ARMCX4: variants seen among roughly 807,000 people sequenced by gnomAD.
The protein encoded by ARMCX4 is armadillo repeat-containing X-linked protein 4.
In ARMCX4, 3 loss-of-function variants were observed where a neutral mutation model predicts 34.7. The observed-to-expected ratio is 0.09, with a 90% CI of 0.04 to 0.22. The LOEUF (loss-of-function observed/expected upper bound fraction) is 0.22, where lower values mean the gene tolerates loss of function less well. Among genes scored for constraint, ARMCX4 ranks in the 10% least tolerant of loss-of-function variants. ARMCX4 has a pLI of 1.00. For synonymous variants in ARMCX4, 513 were observed against 632.8 expected, an observed-to-expected ratio of 0.81 and a Z score of 2.84; for missense variants, 1,448 against 1,720.8, an observed-to-expected ratio of 0.84 and a Z score of 2.81.
chrX:101,509,229 A>G (rs1934524519), intron 8 of ARMCX4: 1 of 111,891 alleles, frequency 8.9e-6, no homozygotes, highest in Non-Finnish European at 1.9e-5. Context: ...TAGGCATGCA[A>G]CACAACTTTT....
chrX:101,429,804 A>G lies in ARMCX4; in HGVS notation n.164+10804A>G, dbSNP rs1264030614. 8.1e-5 allele frequency among the ~76,000 whole-genome samples: 9 copies of G among 111,775 alleles called. No individual in the cohort carries two copies. In the Admixed American group the frequency reaches 8.6e-4, roughly 11 times the overall value. ...CATTAGACATTAAATAACTCTTTTTATTGTTACTAGTATAACAACTAGGGA... is the reference window on the plus strand; with the variant it reads ...CATTAGACATTAAATAACTCTTTTTGTTGTTACTAGTATAACAACTAGGGA... On this transcript the variant is annotated intron_variant and non_coding_transcript_variant, in intron 2 of 3. Transcript: ENST00000430461.
At chrX:101,453,529 TGAGTAGCAAGACTGTG>T (rs781940870) in intron 4 of ARMCX4, among the ~76,000 whole-genome samples, 11 of 111,754 alleles carry the variant, frequency 9.8e-5, no homozygotes, top group Admixed American at 2.9e-4. Flanking sequence ...TATCATAGTT[TGAGTAGCAAGACTGTG>T]GAGTAGCAAG....
In ARMCX4 at chrX:101,513,267, C is replaced by A. The variant is rs782168127; in HGVS notation, c.*1780+2212C>A. Reference sequence around the variant, plus strand: ...CAAACAACTGGACATCACAACCTAGCCAACTTTACACATAGTATTAACCAT... The same window carrying A: ...CAAACAACTGGACATCACAACCTAGACAACTTTACACATAGTATTAACCAT... On this transcript the variant is annotated intron_variant and NMD_transcript_variant, in intron 11 of 12. Transcript: ENST00000354842. Among the ~76,000 whole-genome samples the A allele has an allele frequency of 5.4e-5, 6 of 111,648 alleles. No homozygotes were observed. The East Asian group carries it at 1.7e-3, about 32-fold the overall frequency.
Position 101,492,217 on chromosome X carries a change from G to A in ARMCX4, c.3628G>A (p.Gly1210Arg). ...GTWAGDKASG[G>R]AWTGAENQAS... ...CTGGGCTGGGGACAAGGCCAGTGGAGGAGCCTGGACTGGGGCTGAGAACCA... is the reference window on the plus strand; with the variant it reads ...CTGGGCTGGGGACAAGGCCAGTGGAAGAGCCTGGACTGGGGCTGAGAACCA... Residue 1210 changes from glycine (G) to arginine (R), a missense_variant, in exon 6 of 6, where the codon GGA becomes AGA. Transcript: ENST00000423738. 1 of 1,142,083 alleles carries A rather than the reference G, an allele frequency of 8.8e-7. No homozygotes were observed. Among genetic ancestry groups the A allele is most frequent in the Middle Eastern group, 2.4e-4 (1 of 4,211 alleles). The allele number at this position is 1,142,083 out of a possible 1,213,427, so 94.1% of individuals were successfully genotyped here.
chrX:101,474,583 C>T (rs1933087247), intron 4 of ARMCX4, among the ~76,000 whole-genome samples: 1 of 103,887 alleles, frequency 9.6e-6, no homozygotes, highest in African/African-American at 3.5e-5. Context: ...AAACTGAATC[C>T]AGCAGCACAT....
At chrX:101,470,609 G>A (rs1023579639) in intron 4 of ARMCX4, among the ~76,000 whole-genome samples, 6 of 111,985 alleles carry the variant, frequency 5.4e-5, no homozygotes, top group Admixed American at 9.5e-5. Flanking sequence ...GTGAGCTGCC[G>A]TGCTGGGCCA....
At chrX:101,482,104 C>T (rs998616048), upstream of ARMCX4, among the ~76,000 whole-genome samples, 2 of 110,208 alleles carry the variant, frequency 1.8e-5, no homozygotes, top group East Asian at 2.9e-4. Flanking sequence ...CATGGTGGTG[C>T]GCACCTGTAA....
In ARMCX4 at chrX:101,493,121, G is replaced by A; in HGVS notation, c.4532G>A (p.Cys1511Tyr). 1 of 1,154,595 alleles carries A rather than the reference G, an allele frequency of 8.7e-7. No individual in the cohort carries two copies. The highest frequency in any genetic ancestry group is 1.1e-6 in the Non-Finnish European group (1 of 872,475). The change falls in exon 6 of 6, where the codon TGT becomes TAT. Residue 1511 changes from cysteine (C) to tyrosine (Y), a missense_variant. Around this residue, in one of 2 missense-constraint regions of ARMCX4, gnomAD observed 1,343 missense variants for 1,540.7 expected, o/e 0.87. Coordinates refer to ENST00000423738, the MANE Select transcript of ARMCX4 (RefSeq NM_001256155.3). The stretch of plus-strand genomic sequence containing the variant: ...GGGGACCAGGCCAGTGGATGGTTCT[G>A]TGTTTGCCCTGGGAGTCAGACGAAT... ...GTGDQASGWF[C>Y]VCPGSQTNGG...
chrX:101,438,939 A>C (rs1313526553), intron 2 of ARMCX4, among the ~76,000 whole-genome samples: 17 of 111,868 alleles, frequency 1.5e-4, no homozygotes, highest in Non-Finnish European at 2.8e-4. Context: ...GCCAGTCTGT[A>C]TCTTTTAATT....
intron 5 of ARMCX4, among the ~76,000 whole-genome samples, 158 bp from the exon 6 acceptor site, chrX:101,488,286 G>A (rs868930508): frequency 8.9e-6 from 1 of 112,170 alleles, no homozygotes; most frequent in African/African-American, 3.2e-5. Flanking sequence ...TGGGGAAGGT[G>A]GAGAGAAGAT....
chrX:101,418,985 T>C (rs1170660840), exon 2 of ARMCX4: 1 of 110,096 alleles, frequency 9.1e-6, no homozygotes, highest in Non-Finnish European at 1.9e-5. Flanking sequence ...CTTCAAAAAG[T>C]TCTGAAAACA....
chrX:101,421,482 C>G lies in ARMCX4; in HGVS notation n.164+2482C>G, dbSNP rs782423063. Among the ~76,000 whole-genome samples the G allele has an allele frequency of 4.5e-5, 5 of 110,978 alleles. No individual in the cohort carries two copies. The East Asian group carries it at 1.1e-3, about 25-fold the overall frequency. On this transcript the variant is annotated intron_variant and non_coding_transcript_variant, in intron 2 of 3. Transcript: ENST00000430461. ...TGATATTGTGAAGTACACATTTAGT[C>G]TTTAGTTTGTTTTGTGCTGCTATAA... is the stretch of plus-strand genomic sequence containing the variant.
At position 101,489,280 on chromosome X, in the gene ARMCX4, G is replaced by T. The variant is rs1603209283; in HGVS notation, c.691G>T (p.Val231Leu). 3.5e-6 allele frequency: 4 copies of T among 1,156,228 alleles called. No homozygotes were observed. Among genetic ancestry groups the T allele is most frequent in the East Asian group, 3.2e-5 (1 of 30,795 alleles). The stretch of plus-strand genomic sequence containing the variant: ...GGGGGCCACGAACAAGACTGGAATT[G>T]TGGATGAAACCAAGACAAGAGCTCT... Reference protein sequence around the residue: ...KMGATNKTGIVDETKTRALEE... With the variant: ...KMGATNKTGILDETKTRALEE... Residue 231 changes from valine (V) to leucine (L), a missense_variant, in exon 6 of 6, where the codon GTG becomes TTG. Physicochemically the swap from Val to Leu is conservative, Grantham distance 32 (BLOSUM62 1). This residue lies in a region of ARMCX4 where 1,343 missense variants were observed against 1,540.7 expected (regional missense o/e 0.87). Transcript: ENST00000423738.
intron 2 of ARMCX4, among the ~76,000 whole-genome samples, chrX:101,423,957 G>C (rs1929443427): frequency 9.0e-6 from 1 of 111,106 alleles, no homozygotes; most frequent in Admixed American, 9.6e-5. Flanking sequence ...TCCATCTCAC[G>C]GGTTCAAGCG....
In ARMCX4 at chrX:101,423,693, T is replaced by C. The variant is rs782005613; in HGVS notation, n.164+4693T>C. ...TGAGATAACTGGTGGCTGAGGCTCC[T>C]AGGTAGATTTAGGACGGGGGCGCTG... On this transcript the variant is annotated intron_variant and non_coding_transcript_variant, in intron 2 of 3. Transcript: ENST00000430461. 6.3e-5 allele frequency among the ~76,000 whole-genome samples: 7 copies of C among 110,826 alleles called. No homozygotes were observed. The South Asian group carries it at 2.7e-3, about 43-fold the overall frequency.
At chrX:101,432,690 G>A (rs985425934) in intron 2 of ARMCX4, among the ~76,000 whole-genome samples, 5 of 104,788 alleles carry the variant, frequency 4.8e-5, no homozygotes, top group Non-Finnish European at 9.7e-5. Context: ...ACATATATAC[G>A]TATATATACA....
At chrX:101,475,100 G>A (rs782682525) in intron 4 of ARMCX4, among the ~76,000 whole-genome samples, 1 of 110,487 alleles carries the variant, frequency 9.1e-6, no homozygotes, top group East Asian at 2.8e-4. Context: ...CTTGAGCTCA[G>A]GAGTTCAAGA....
At position 101,503,613 on chromosome X, in the gene ARMCX4, G is replaced by A. The variant is rs1401461009; in HGVS notation, c.*1178-1324G>A. ...TGAGAAGTGTCTGTTCATATCCTTCGCCCACTTTTTGATGGGGCTGTTTGT... is the reference window on the plus strand; with the variant it reads ...TGAGAAGTGTCTGTTCATATCCTTCACCCACTTTTTGATGGGGCTGTTTGT... On this transcript the variant is annotated intron_variant and NMD_transcript_variant, in intron 7 of 12. Coordinates refer to the ARMCX4 transcript ENST00000354842. Among the ~76,000 whole-genome samples the A allele has an allele frequency of 2.4e-4, 27 of 111,542 alleles. 3 individuals are homozygous for A. The highest frequency in any genetic ancestry group is 1.4e-3 in the East Asian group (5 of 3,560).
chrX:101,441,147 T>C (rs781979236), intron 2 of ARMCX4, among the ~76,000 whole-genome samples: 1 of 111,504 alleles, frequency 9.0e-6, no homozygotes, highest in Non-Finnish European at 1.9e-5. Flanking sequence ...TTTGAATGCC[T>C]GCTATGTGCC....
Sources: gnomAD v4.1 joint callset for allele counts (sites outside exome capture counted in the v4.1 genomes callset) on GRCh38, gnomAD v4.1.1 for gene constraint, gnomAD v4.1.1 regional missense constraint, MANE v1.5 for transcripts, NCBI Gene and HGNC (gene_info 2026-07-23, HGNC 2026-07-21) for gene names.